S100A13: variants seen among roughly 807,000 people sequenced by gnomAD.
S100A13 encodes S100 calcium binding protein A13, also known as protein S100-A13.
A neutral mutation model predicts 8.2 loss-of-function variants in S100A13; 6 were observed. The observed-to-expected ratio is 0.73, with a 90% CI of 0.40 to 1.44. S100A13 has a LOEUF of 1.44. Ranked by LOEUF, S100A13 falls within the 40% of genes most tolerant of loss-of-function variation. The pLI, the probability that S100A13 is intolerant of heterozygous loss-of-function variation, is 0.02. For synonymous variants in S100A13, 39 were observed against 45.9 expected (o/e 0.85, Z 0.61); for missense variants, 114 against 113.6 (o/e 1.00, Z -0.02).
At chr1:153,631,809 G>A (rs749880000), upstream of S100A13, 9 of 1,614,024 alleles carry the variant, frequency 5.6e-6, no homozygotes, top group Admixed American at 5.0e-5. Context: ...TCTCACAGTG[G>A]CCTGTAACAA....
At chr1:153,631,838 T>C (rs1483639224), upstream of S100A13, 4 of 1,613,622 alleles carry the variant, frequency 2.5e-6, no homozygotes, top group Admixed American at 3.3e-5. Flanking sequence ...GGGAGAACAG[T>C]TGAGCAGACA....
At chr1:153,632,746 C>T (rs987345630), upstream of S100A13, among the ~76,000 whole-genome samples, 16 of 152,088 alleles carry the variant, frequency 1.1e-4, no homozygotes, top group African/African-American at 3.6e-4. Context: ...CACACGCACA[C>T]GCCCAAGTGC....
chr1:153,627,708 GC>G (rs1218298767), upstream of S100A13: 1 of 218,188 alleles, frequency 4.6e-6, no homozygotes, highest in Non-Finnish European at 9.2e-6. Context: ...GAGAGGAGCT[GC>G]CTGGACAGAT....
chr1:153,628,663 G>A (rs1667819926), upstream of S100A13: 3 of 1,198,846 alleles, frequency 2.5e-6, no homozygotes, highest in Non-Finnish European at 3.4e-6. Flanking sequence ...GACAGGGTTT[G>A]GAAGGTGGTG....
upstream of S100A13, chr1:153,629,901 G>A (rs1420421296): frequency 6.5e-6 from 1 of 153,654 alleles, no homozygotes; most frequent in Non-Finnish European, 1.4e-5. Context: ...GACCAAAAGG[G>A]GCCCCCAGCT....
At chr1:153,623,381 G>A (rs1667399638) in intron 2 of S100A13, among the ~76,000 whole-genome samples, 1 of 150,718 alleles carries the variant, frequency 6.6e-6, no homozygotes. Context: ...TCCTATTTTC[G>A]TTTCCTTTTT....
upstream of S100A13, chr1:153,631,649 T>A (rs1325045047): frequency 6.2e-7 from 1 of 1,613,818 alleles, no homozygotes; most frequent in African/African-American, 1.3e-5. Flanking sequence ...TCTGACTCAG[T>A]GCTGTACCCT....
At chr1:153,630,350 TCA>T, upstream of S100A13, 1 of 924,598 alleles carries the variant, frequency 1.1e-6, no homozygotes, top group East Asian at 2.7e-5. Flanking sequence ...GGGGTTTCCC[TCA>T]CATTGTAAAA....
chr1:153,633,598 G>A (rs1465126973), upstream of S100A13, among the ~76,000 whole-genome samples: 2 of 152,166 alleles, frequency 1.3e-5, no homozygotes, highest in Non-Finnish European at 2.9e-5. Context: ...CCTAATACTG[G>A]CCTCCTGGGC....
chr1:153,626,570 G>A (rs1667649463), intron 1 of S100A13, 37 bp from the exon 2 acceptor site: 2 of 1,280,868 alleles, frequency 1.6e-6, no homozygotes, highest in Non-Finnish European at 2.2e-6. Flanking sequence ...GGAGAGTCAG[G>A]GAGCCCCAAG....
Position 153,626,335 on chromosome 1 carries a change from C to G in S100A13, c.138G>C (p.Leu46Phe), listed in dbSNP as rs778915425. 3.7e-6 allele frequency: 6 copies of G among 1,614,146 alleles called. No individual in the cohort carries two copies. Among genetic ancestry groups the G allele is most frequent in the Admixed American group, 1.7e-5 (1 of 60,030 alleles). ...NEFKELVTQQ[L>F]PHLLKDVGSL... Reference sequence around the variant, plus strand: ...TTCTGCCTACCTTGAGCAGATGGGGCAACTGCTGGGTAACCAGCTCTTTGA... The same window carrying G: ...TTCTGCCTACCTTGAGCAGATGGGGGAACTGCTGGGTAACCAGCTCTTTGA... Residue 46 changes from leucine to phenylalanine, a missense_variant, in exon 2 of 3, where the codon TTG becomes TTC. By Grantham distance (22) the Leu-to-Phe change is conservative (BLOSUM62 0). Coordinates refer to ENST00000476133, the MANE Select transcript of S100A13 (RefSeq NM_001024211.2).
intron 2 of S100A13, 99 bp from the exon 3 acceptor site, chr1:153,619,137 C>T: frequency 8.9e-7 from 1 of 1,117,574 alleles, no homozygotes; most frequent in Non-Finnish European, 1.3e-6. Flanking sequence ...AAGGCCCTTC[C>T]CTCAGAGAGC....
At chr1:153,621,549 GA>G (rs1441104287) in intron 2 of S100A13, among the ~76,000 whole-genome samples, 1 of 151,744 alleles carries the variant, frequency 6.6e-6, no homozygotes, top group African/African-American at 2.4e-5. Context: ...AAGGCGGGTG[GA>G]TAACTCGAGG....
chr1:153,623,588 A>G (rs1207679877), intron 2 of S100A13, among the ~76,000 whole-genome samples: 2 of 152,056 alleles, frequency 1.3e-5, no homozygotes, highest in Non-Finnish European at 2.9e-5. Flanking sequence ...ATGGGGTTTC[A>G]CTATGTTGGC....
upstream of S100A13, chr1:153,627,950 C>T: frequency 7.3e-7 from 1 of 1,363,274 alleles, no homozygotes; most frequent in Non-Finnish European, 9.9e-7. Context: ...AGGCTGAGGC[C>T]CCACACACAG....
At chr1:153,632,532 A>G (rs1265360136), upstream of S100A13, among the ~76,000 whole-genome samples, 2 of 151,990 alleles carry the variant, frequency 1.3e-5, no homozygotes, top group African/African-American at 4.8e-5. Context: ...CGGCCTCCCA[A>G]AGTGCTGAGA....
At chr1:153,625,067 T>C (rs954072221) in intron 2 of S100A13, among the ~76,000 whole-genome samples, 1 of 151,874 alleles carries the variant, frequency 6.6e-6, no homozygotes, top group African/African-American at 2.4e-5. Context: ...AGAGTGAGAC[T>C]CTGTCACAAA....
At chr1:153,622,303 A>G (rs9426998) in intron 2 of S100A13, among the ~76,000 whole-genome samples, 3 of 152,000 alleles carry the variant, frequency 2.0e-5, no homozygotes, top group Non-Finnish European at 4.4e-5. Flanking sequence ...CCTGGGAGGC[A>G]GAGGTTGCAG....
chr1:153,632,561 G>A (rs908895513), upstream of S100A13, among the ~76,000 whole-genome samples: 9 of 152,100 alleles, frequency 5.9e-5, no homozygotes, highest in Middle Eastern at 3.4e-3. Context: ...ATGAGCCACC[G>A]CGCTAGGCCG....
Sources: allele counts gnomAD v4.1 joint callset (sites outside exome capture counted in the v4.1 genomes callset), GRCh38; gene constraint gnomAD v4.1.1; transcripts MANE v1.5; gene names NCBI Gene and HGNC (gene_info 2026-07-23, HGNC 2026-07-21).